Variants in ANTXR1 observed in about 807,000 individuals in gnomAD.
ANTXR1 encodes the protein anthrax toxin receptor 1.
Under a neutral mutation model 78.1 loss-of-function variants are expected in ANTXR1, and 19 were observed. The observed-to-expected ratio is 0.24, with a 90% confidence interval of 0.17 to 0.36. ANTXR1 has a LOEUF of 0.36. ANTXR1 is among the 10% of genes least tolerant of loss of function. The pLI, the probability that ANTXR1 is intolerant of heterozygous loss-of-function variation, is 1.00. For missense variants in ANTXR1, 518 were observed against 718.6 expected (o/e 0.72, Z 3.19); for synonymous variants, 273 against 260.5 (o/e 1.05, Z -0.46).
At chr2:69,047,059 C>G (rs971019949) in intron 3 of ANTXR1, among the ~76,000 whole-genome samples, 8 of 152,044 alleles carry the variant, frequency 5.3e-5, no homozygotes, top group African/African-American at 1.9e-4. Flanking sequence ...AAATGCAGAT[C>G]AAAAATACAG....
At chr2:69,245,066 G>T (rs748837117) in intron 17 of ANTXR1, among the ~76,000 whole-genome samples, 159 bp from the exon 18 acceptor site, 6 of 152,000 alleles carry the variant, frequency 3.9e-5, no homozygotes, top group Non-Finnish European at 7.4e-5. Context: ...AAGGAAGTGG[G>T]GAGCTCACTT....
At chr2:69,051,839 A>ATAAT (rs1669942734) in intron 3 of ANTXR1, among the ~76,000 whole-genome samples, 1 of 152,088 alleles carries the variant, frequency 6.6e-6, no homozygotes. Context: ...TAATCAATAT[A>ATAAT]AAATAATCTT....
chr2:69,244,654 G>C (rs889356705), intron 17 of ANTXR1, among the ~76,000 whole-genome samples: 1 of 152,180 alleles, frequency 6.6e-6, no homozygotes, highest in Admixed American at 6.5e-5. Context: ...TTACAATATA[G>C]GAGAAGCTCG....
chr2:69,018,627 A>G (rs193224454), intron 1 of ANTXR1, among the ~76,000 whole-genome samples: 5 of 152,300 alleles, frequency 3.3e-5, no homozygotes, highest in African/African-American at 1.2e-4. Context: ...GCGAAGCATG[A>G]CTGTCCCTAA....
chr2:69,202,002 G>A lies in ANTXR1; in HGVS notation c.1434+8587G>A, dbSNP rs72903114. Among the ~76,000 whole-genome samples the A allele has an allele frequency of 9.6e-3, 1,464 of 152,254 alleles. 23 individuals are homozygous for A. Among genetic ancestry groups the A allele is most frequent in the African/African-American group, 0.033 (1,389 of 41,540 alleles). On this transcript the variant is annotated intron_variant, in intron 17 of 17. Transcript: ENST00000303714. ...TTAAATTTTGTGCCCTAGACACCTC[G>A]CATGCCTCACCCTAGTCAGGGGGCA...
intron 6 of ANTXR1, among the ~76,000 whole-genome samples, chr2:69,073,907 C>G (rs1029731503): frequency 6.6e-6 from 1 of 152,224 alleles, no homozygotes; most frequent in African/African-American, 2.4e-5. Context: ...GATGCAGGCT[C>G]TAGAAGAGGA....
At chr2:69,175,236 T>A (rs1674088993) in intron 14 of ANTXR1, among the ~76,000 whole-genome samples, 1 of 152,218 alleles carries the variant, frequency 6.6e-6, no homozygotes, top group South Asian at 2.1e-4. Context: ...GCTATTCTCA[T>A]TAGCTCTCTT....
chr2:69,051,847 C>G (rs1240116928), intron 3 of ANTXR1, among the ~76,000 whole-genome samples: 2 of 151,964 alleles, frequency 1.3e-5, no homozygotes, highest in Non-Finnish European at 2.9e-5. Flanking sequence ...ATAAAATAAT[C>G]TTTTTGTCAC....
At chr2:69,048,131 A>T (rs1344690524) in intron 3 of ANTXR1, among the ~76,000 whole-genome samples, 2 of 152,190 alleles carry the variant, frequency 1.3e-5, no homozygotes, top group Non-Finnish European at 1.5e-5. Context: ...TCTTGTTCTT[A>T]CATTAATTGA....
At chr2:69,059,837 G>T (rs2104157928) in intron 3 of ANTXR1, among the ~76,000 whole-genome samples, 1 of 152,248 alleles carries the variant, frequency 6.6e-6, no homozygotes, top group African/African-American at 2.4e-5. Flanking sequence ...TATGCCTGTA[G>T]ATAACCAGGA....
chr2:69,055,967 A>G (rs1022474022), intron 3 of ANTXR1, among the ~76,000 whole-genome samples: 2 of 152,220 alleles, frequency 1.3e-5, no homozygotes, highest in Admixed American at 6.5e-5. Context: ...AATGCCCACC[A>G]TATGGAGTTG....
intron 8 of ANTXR1, among the ~76,000 whole-genome samples, chr2:69,084,914 G>A (rs993177492): frequency 6.8e-6 from 1 of 146,414 alleles, no homozygotes; most frequent in South Asian, 2.2e-4. Context: ...GTGCAGTGGC[G>A]CTATCTCGGC....
At chr2:69,126,152 G>A (rs1157109447) in intron 12 of ANTXR1, among the ~76,000 whole-genome samples, 1 of 152,158 alleles carries the variant, frequency 6.6e-6, no homozygotes, top group African/African-American at 2.4e-5. Flanking sequence ...AGAACAGGAA[G>A]CCAGTCCTCA....
chr2:69,148,043 C>T (rs1333101429), intron 12 of ANTXR1, among the ~76,000 whole-genome samples: 1 of 152,218 alleles, frequency 6.6e-6, no homozygotes, highest in African/African-American at 2.4e-5. Context: ...CCACCTGGGT[C>T]TTCTATTCTG....
At chr2:69,080,406 G>C (rs1256733336) in intron 8 of ANTXR1, among the ~76,000 whole-genome samples, 1 of 152,180 alleles carries the variant, frequency 6.6e-6, no homozygotes, top group Non-Finnish European at 1.5e-5. Flanking sequence ...AATAAAATAG[G>C]ACTGGGCTTA....
chr2:69,026,555 C>T (rs1671349949), intron 1 of ANTXR1, among the ~76,000 whole-genome samples: 1 of 152,190 alleles, frequency 6.6e-6, no homozygotes, highest in South Asian at 2.1e-4. Context: ...AAGGACCAAC[C>T]AGGCACTCAA....
intron 3 of ANTXR1, among the ~76,000 whole-genome samples, chr2:69,058,708 T>C (rs750807124): frequency 1.5e-4 from 23 of 152,308 alleles, no homozygotes; most frequent in Middle Eastern, 3.4e-3. Flanking sequence ...AGTCTTATTA[T>C]TTAAGAAATG....
chr2:69,221,683 C>CAA (rs200296772), intron 17 of ANTXR1, among the ~76,000 whole-genome samples: 1,273 of 80,480 alleles, frequency 0.016, 16 homozygotes, highest in African/African-American at 0.043. Flanking sequence ...TTCCCCACTA[C>CAA]AAAAAAAAAA....
At chr2:69,065,153 C>T (rs1573830745) in intron 3 of ANTXR1, among the ~76,000 whole-genome samples, 1 of 152,044 alleles carries the variant, frequency 6.6e-6, no homozygotes, top group South Asian at 2.1e-4. Context: ...GGGCTGGGAG[C>T]AGTGGCTCAC....
Sources: gnomAD v4.1 joint callset for allele counts (sites outside exome capture counted in the v4.1 genomes callset) on GRCh38, gnomAD v4.1.1 for gene constraint, MANE v1.5 for transcripts, NCBI Gene and HGNC (gene_info 2026-07-23, HGNC 2026-07-21) for gene names.